Variants in TENM4 observed in about 807,000 individuals in gnomAD.
TENM4 encodes teneurin transmembrane protein 4.
Under a neutral mutation model 243.3 loss-of-function variants are expected in TENM4, and 82 were observed. The observed-to-expected ratio is 0.34, with a 90% confidence interval of 0.28 to 0.40. TENM4 has a LOEUF of 0.40. Ranked by LOEUF, TENM4 falls within the 10% of genes least tolerant of loss-of-function variation. The pLI is 1.00. For missense variants in TENM4, 3,138 were observed against 3,673.3 expected (o/e 0.85, Z 3.77); for synonymous variants, 1,412 against 1,456.3 (o/e 0.97, Z 0.69).
At chr11:78,753,041 C>T (rs1856226443) in intron 19 of TENM4, among the ~76,000 whole-genome samples, 2 of 152,188 alleles carry the variant, frequency 1.3e-5, no homozygotes, top group Admixed American at 1.3e-4. Context: ...CCTAATCTTA[C>T]AGATGAGCAA....
Position 78,657,930 on chromosome 11 carries a change from T to A in TENM4, c.*128A>T, listed in dbSNP as rs577658093. 41 of 1,416,634 alleles carry A rather than the reference T, an allele frequency of 2.9e-5. No individual in the cohort carries two copies. In the East Asian group the frequency reaches 8.6e-4, roughly 30 times the overall value. The allele number at this position is 1,416,634 out of a possible 1,614,324, so 87.8% of individuals were successfully genotyped here. A position where few individuals can be genotyped will look rare whatever the true frequency, so the allele number is the denominator to read the frequency against. Reference sequence around the variant, plus strand: ...CTAAAAAAAAGGATGTTGCATGAGTTACAATGCAACCAGTATCTTTTTGTT... The same window carrying A: ...CTAAAAAAAAGGATGTTGCATGAGTAACAATGCAACCAGTATCTTTTTGTT... On this transcript the variant is annotated 3_prime_UTR_variant, in exon 34 of 34. Transcript: ENST00000278550.
At chr11:79,294,786 T>C (rs566376715) in intron 2 of TENM4, among the ~76,000 whole-genome samples, 192 of 151,960 alleles carry the variant, frequency 1.3e-3, no homozygotes, top group African/African-American at 4.4e-3. Flanking sequence ...GAGGTAGAGG[T>C]TGCAGTGAGC....
At chr11:78,940,252 T>A (rs1856862924) in intron 6 of TENM4, among the ~76,000 whole-genome samples, 1 of 152,230 alleles carries the variant, frequency 6.6e-6, no homozygotes, top group Non-Finnish European at 1.5e-5. Context: ...GAAAACATGA[T>A]TTTAATGACT....
intron 12 of TENM4, among the ~76,000 whole-genome samples, chr11:78,830,752 C>T (rs897893012): frequency 3.9e-5 from 6 of 152,102 alleles, no homozygotes; most frequent in African/African-American, 1.2e-4. Flanking sequence ...CACACTCAGC[C>T]GCCAGGACAG....
At chr11:79,246,063 G>A (rs563296843) in intron 2 of TENM4, among the ~76,000 whole-genome samples, 3 of 151,840 alleles carry the variant, frequency 2.0e-5, no homozygotes, top group African/African-American at 4.8e-5. Context: ...AAGTGGTAAC[G>A]TCCTCATATA....
chr11:79,317,789 C>T (rs1384670753), intron 1 of TENM4, among the ~76,000 whole-genome samples: 1 of 152,150 alleles, frequency 6.6e-6, no homozygotes, highest in African/African-American at 2.4e-5. Context: ...AACCTCTTTC[C>T]TATGGGCTTC....
chr11:78,658,387 T>C lies in TENM4; in HGVS notation c.7981A>G (p.Arg2661Gly). 3.7e-6 allele frequency: 6 copies of C among 1,614,076 alleles called. No individual in the cohort carries two copies. Among genetic ancestry groups the C allele is most frequent in the Non-Finnish European group, 4.2e-6 (5 of 1,179,904 alleles). Residue 2661 changes from arginine to glycine, a missense_variant, in exon 34 of 34, where the codon AGA (arginine) becomes GGA (glycine). Transcript: ENST00000278550. The stretch of plus-strand genomic sequence containing the variant: ...TGGAGCTGGATGTCTGTGTAGCGTC[T>C]AGTCCTGCCATTAAGTACTGTGTTG... ...QINTVLNGRTRRYTDIQLQYG... is the reference protein window; with the variant it reads ...QINTVLNGRTGRYTDIQLQYG...
Position 78,805,277 on chromosome 11 carries a change from T to TCCCCACCCACCCCCCCCCCC in TENM4, c.2179+14_2179+15insGGGGGGGGGGGTGGGTGGGG. The TCCCCACCCACCCCCCCCCCC allele has an allele frequency of 6.4e-6, 9 of 1,402,546 alleles. No individual in the cohort carries two copies. The highest frequency in any genetic ancestry group is 1.5e-5 in the African/African-American group (1 of 68,156). The allele number at this position is 1,402,546 out of a possible 1,614,324, so 86.9% of individuals were successfully genotyped here. ...CCCCTCCCTCTACCCATGCTTCTTC[T>TCCCCACCCACCCCCCCCCCC]CCCCCTGCATTTACCGATAGAACAG... On this transcript the variant is annotated intron_variant, in intron 15 of 33. Transcript: ENST00000278550.
At chr11:79,249,870 A>G (rs1855579834) in intron 2 of TENM4, among the ~76,000 whole-genome samples, 6 of 152,254 alleles carry the variant, frequency 3.9e-5, no homozygotes, top group Admixed American at 3.9e-4. Flanking sequence ...CTGGCACCAA[A>G]TAGGAGCTGA....
chr11:79,262,877 G>A, intron 2 of TENM4, among the ~76,000 whole-genome samples: 1 of 152,228 alleles, frequency 6.6e-6, no homozygotes, highest in East Asian at 1.9e-4. Flanking sequence ...ACATATAGGT[G>A]ACTAATAGAG....
chr11:78,808,788 G>C (rs577331797), intron 14 of TENM4, among the ~76,000 whole-genome samples: 27 of 152,314 alleles, frequency 1.8e-4, no homozygotes, highest in African/African-American at 6.5e-4. Context: ...AAAATGGTTA[G>C]AGCATGACCT....
At chr11:79,314,266 C>T (rs1425898639) in intron 1 of TENM4, among the ~76,000 whole-genome samples, 1 of 152,208 alleles carries the variant, frequency 6.6e-6, no homozygotes, top group African/African-American at 2.4e-5. Flanking sequence ...GGATACTAAT[C>T]ACTAAGCATA....
chr11:79,112,176 G>A (rs775393285), intron 4 of TENM4, among the ~76,000 whole-genome samples: 11 of 152,094 alleles, frequency 7.2e-5, no homozygotes, highest in African/African-American at 1.2e-4. Flanking sequence ...GCACGTGTGC[G>A]CACACACACA....
At chr11:78,747,817 T>A (rs992372291) in intron 19 of TENM4, among the ~76,000 whole-genome samples, 11 of 152,364 alleles carry the variant, frequency 7.2e-5, no homozygotes, top group African/African-American at 2.6e-4. Flanking sequence ...TCTTATTGCT[T>A]AAAATTTCTC....
At chr11:79,316,198 AC>A (rs1299218023) in intron 1 of TENM4, among the ~76,000 whole-genome samples, 1 of 152,186 alleles carries the variant, frequency 6.6e-6, no homozygotes, top group Non-Finnish European at 1.5e-5. Context: ...ATAGGTTGAT[AC>A]AAAAAAGAGA....
In TENM4 at chr11:79,313,949, T is replaced by C. The variant is rs562768469; in HGVS notation, c.-320-16406A>G. On this transcript the variant is annotated intron_variant, in intron 1 of 33. Coordinates refer to ENST00000278550, the MANE Select transcript of TENM4 (RefSeq NM_001098816.3). ...CTACTCCCCGGTGGCCAATCCTTTC[T>C]CCCATCCATCCTCCACTCTGCAGCC... Among the ~76,000 whole-genome samples, 53 of 152,304 alleles carry C rather than the reference T, an allele frequency of 3.5e-4. 1 individual carries two copies. The highest frequency in any genetic ancestry group is 1.2e-3 in the African/African-American group (51 of 41,574).
At chr11:78,684,983 C>A (rs1222498907) in intron 29 of TENM4, among the ~76,000 whole-genome samples, 1 of 152,010 alleles carries the variant, frequency 6.6e-6, no homozygotes, top group East Asian at 1.9e-4. Flanking sequence ...CATGGGAAAC[C>A]CTCACTGAAT....
intron 13 of TENM4, among the ~76,000 whole-genome samples, chr11:78,814,073 C>T (rs1857554889): frequency 6.6e-6 from 1 of 152,180 alleles, no homozygotes; most frequent in Non-Finnish European, 1.5e-5. Context: ...ACCCTCCCTT[C>T]CTGACCTCCC....
intron 12 of TENM4, among the ~76,000 whole-genome samples, chr11:78,835,518 A>G (rs1382672109): frequency 1.3e-5 from 2 of 152,142 alleles, no homozygotes; most frequent in African/African-American, 4.8e-5. Flanking sequence ...CAAACAAACA[A>G]ACAAAAATCA....
Sources: allele counts gnomAD v4.1 joint callset (sites outside exome capture counted in the v4.1 genomes callset), GRCh38; gene constraint gnomAD v4.1.1; transcripts MANE v1.5; gene names NCBI Gene and HGNC (gene_info 2026-07-23, HGNC 2026-07-21).